The following CACNA1A variants were observed in gnomAD, a reference collection of about 807,000 sequenced individuals.
CACNA1A encodes the protein voltage-dependent P/Q-type calcium channel subunit alpha-1A.
CACNA1A carries 57 observed loss-of-function variants against 262.4 expected under a neutral mutation model. That is an observed-to-expected ratio of 0.22 (90% confidence interval 0.18 to 0.27). The LOEUF is 0.27. Among genes scored for constraint, CACNA1A ranks in the 10% least tolerant of loss-of-function variants. The pLI is 1.00. For synonymous variants in CACNA1A, 1,431 were observed against 1,419.3 expected (o/e 1.01, Z -0.18); for missense variants, 2,526 against 3,562.8 (o/e 0.71, Z 7.41).
In CACNA1A at chr19:13,207,868, C is replaced by A; in HGVS notation, c.6966G>T (p.Gln2322His). 2.6e-6 allele frequency: 3 copies of A among 1,158,294 alleles called. No homozygotes were observed. The highest frequency in any genetic ancestry group is 3.4e-5 in the East Asian group (1 of 29,798). The allele number at this position is 1,158,294 out of a possible 1,614,324, so 71.8% of individuals were successfully genotyped here. A position where few individuals can be genotyped will look rare whatever the true frequency, so the allele number is the denominator to read the frequency against. ...PQQQQQQQQQ[Q>H]QQQAVARPGR... ...CCGGCCTGGCCACCGCCTGCTGCTG[C>A]TGCTGCTGCTGCTGCTGCTGCTGCT... is the stretch of plus-strand genomic sequence containing the variant. Residue 2322 changes from glutamine to histidine, a missense_variant, in exon 47 of 47, where the codon CAG becomes CAT. This residue lies in a region of CACNA1A where 929 missense variants were observed against 868.1 expected (regional missense o/e 1.07). Coordinates refer to ENST00000360228, the MANE Select transcript of CACNA1A (RefSeq NM_001127222.2). This position sits in a 1 kb window ranked among gnomAD's most constrained non-coding sequence, Gnocchi z 5.7.
intron 3 of CACNA1A, among the ~76,000 whole-genome samples, chr19:13,389,970 G>C (rs2059684115): frequency 6.6e-6 from 1 of 151,796 alleles, no homozygotes; most frequent in Admixed American, 6.6e-5. Context: ...GCGCCACCAT[G>C]CCTGGCTAAT....
chr19:13,403,932 G>C (rs975510489), intron 3 of CACNA1A, among the ~76,000 whole-genome samples: 4 of 152,082 alleles, frequency 2.6e-5, no homozygotes, highest in African/African-American at 9.7e-5. Flanking sequence ...TCTCCAGCCT[G>C]GGTGACAGAG....
chr19:13,209,402 CG>C lies in CACNA1A; in HGVS notation c.6435del (p.Glu2146ArgfsTer36). 7.2e-7 allele frequency: 1 copy of C among 1,396,180 alleles called. No homozygotes were observed. Among genetic ancestry groups the C allele is most frequent in the Non-Finnish European group, 9.3e-7 (1 of 1,071,402 alleles). The allele number at this position is 1,396,180 out of a possible 1,614,324, so 86.5% of individuals were successfully genotyped here. ...LDDYSLERVP[P>X]EENQRHHQRR... ...CGCTGGTGGTGCCGCTGGTTCTCCT[CG>C]GGCGGGACCCGCTCCAGCGAGTAAT... On this transcript the variant is annotated frameshift_variant, in exon 45 of 47. Transcript: ENST00000360228. LOFTEE classifies it high-confidence loss of function.
chr19:13,410,403 A>T (rs1421524974), intron 3 of CACNA1A, among the ~76,000 whole-genome samples: 1 of 151,706 alleles, frequency 6.6e-6, no homozygotes, highest in African/African-American at 2.4e-5. Context: ...ATTAAAAAAA[A>T]ATTTTTTTTG....
chr19:13,429,206 A>C (rs968378450), intron 3 of CACNA1A, among the ~76,000 whole-genome samples: 1 of 118,478 alleles, frequency 8.4e-6, no homozygotes, highest in Admixed American at 8.4e-5. Flanking sequence ...ACACACACAC[A>C]CCCCTCTTTC....
At chr19:13,374,843 T>C (rs2059379160) in intron 3 of CACNA1A, among the ~76,000 whole-genome samples, 1 of 151,836 alleles carries the variant, frequency 6.6e-6, no homozygotes, top group Admixed American at 6.6e-5. Flanking sequence ...GGCTTTGTTT[T>C]GTTTTGTTCT....
At chr19:13,365,133 C>A in intron 5 of CACNA1A, 184 bp downstream of exon 5, 1 of 482,272 alleles carries the variant, frequency 2.1e-6, no homozygotes, top group Admixed American at 3.5e-5. Flanking sequence ...TTCTGTGGAA[C>A]CCCACCCCTT....
intron 19 of CACNA1A, among the ~76,000 whole-genome samples, chr19:13,297,906 A>C (rs1166471255): frequency 6.6e-6 from 1 of 151,656 alleles, no homozygotes; most frequent in East Asian, 1.9e-4. Context: ...AGCTCACTGC[A>C]ACCTACCTCC....
chr19:13,475,445 G>C (rs1056807290), intron 1 of CACNA1A, among the ~76,000 whole-genome samples: 2 of 152,162 alleles, frequency 1.3e-5, no homozygotes, highest in African/African-American at 4.8e-5. Flanking sequence ...CACCCTTAAG[G>C]CTTCTGTCCG....
intron 10 of CACNA1A, among the ~76,000 whole-genome samples, chr19:13,326,349 T>C (rs1280183626): frequency 6.6e-6 from 1 of 151,862 alleles, no homozygotes; most frequent in African/African-American, 2.4e-5. Context: ...AAAATTGATA[T>C]CCTTTCAGCA....
At chr19:13,495,055 C>G (rs1205960356) in intron 1 of CACNA1A, among the ~76,000 whole-genome samples, 1 of 152,120 alleles carries the variant, frequency 6.6e-6, no homozygotes, top group Non-Finnish European at 1.5e-5. Flanking sequence ...ATCCTATCCA[C>G]CAATGGAGCA....
intron 29 of CACNA1A, among the ~76,000 whole-genome samples, chr19:13,254,355 TTC>T (rs1374632669): frequency 6.6e-6 from 1 of 151,886 alleles, no homozygotes; most frequent in Admixed American, 6.6e-5. Context: ...CCTCATTTCT[TTC>T]TTTTTCTTTT....
At chr19:13,278,170 A>T (rs1035122515) in intron 22 of CACNA1A, among the ~76,000 whole-genome samples, 10 of 150,860 alleles carry the variant, frequency 6.6e-5, no homozygotes, top group African/African-American at 2.4e-4. Flanking sequence ...CGCTGTGAAC[A>T]CCAAAGAAGT....
intron 46 of CACNA1A, among the ~76,000 whole-genome samples, chr19:13,208,293 C>T (rs1489260698): frequency 6.7e-6 from 1 of 149,854 alleles, no homozygotes; most frequent in African/African-American, 2.5e-5. Flanking sequence ...GGGGAGGAGT[C>T]GAAAACCAAC....
At chr19:13,343,176 C>T (rs1054707340) in intron 6 of CACNA1A, among the ~76,000 whole-genome samples, 10 of 151,154 alleles carry the variant, frequency 6.6e-5, no homozygotes, top group African/African-American at 2.2e-4. Flanking sequence ...GGCTGGAGTG[C>T]AATGGTGTGA....
intron 3 of CACNA1A, among the ~76,000 whole-genome samples, chr19:13,402,873 CATATATATATATAT>C (rs71170507): frequency 0.028 from 2,009 of 72,828 alleles, 83 homozygotes; most frequent in African/African-American, 0.078. Context: ...CACACACACA[CATATATATATATAT>C]ATATATATAT....
At chr19:13,240,713 A>T in intron 31 of CACNA1A, among the ~76,000 whole-genome samples, 1 of 141,276 alleles carries the variant, frequency 7.1e-6, no homozygotes, top group African/African-American at 2.7e-5. Context: ...GTGCATAGTG[A>T]CTGTGTGCAG....
At position 13,336,599 on chromosome 19, in the gene CACNA1A, GAGA is replaced by G. The variant is rs1568547434; in HGVS notation, c.979-693_979-691del. On this transcript the variant is annotated intron_variant, in intron 6 of 46. Coordinates refer to ENST00000360228, the MANE Select transcript of CACNA1A (RefSeq NM_001127222.2). ...AGAGAGACAGAGAGAGAGAGGGAGAGAGAGAGAGAGAGAGAGAGAGAGAGAGAG... is the reference window on the plus strand; with the variant it reads ...AGAGAGACAGAGAGAGAGAGGGAGAGGAGAGAGAGAGAGAGAGAGAGAGAG... 6.1e-3 allele frequency among the ~76,000 whole-genome samples: 738 copies of G among 121,642 alleles called. 10 individuals are homozygous for G. Among genetic ancestry groups the G allele is most frequent in the South Asian group, 9.9e-3 (38 of 3,822 alleles). The allele number at this position is 121,642 out of a possible 152,430, so 79.8% of individuals were successfully genotyped here. A position where few individuals can be genotyped will look rare whatever the true frequency, so the allele number is the denominator to read the frequency against.
intron 6 of CACNA1A, among the ~76,000 whole-genome samples, chr19:13,348,091 A>T (rs977639077): frequency 2.0e-5 from 3 of 151,410 alleles, no homozygotes; most frequent in African/African-American, 7.3e-5. Context: ...CAGCTAATTA[A>T]TTATTTTTCT....
Sources: allele counts gnomAD v4.1 joint callset (sites outside exome capture counted in the v4.1 genomes callset), GRCh38; gene constraint gnomAD v4.1.1; regional missense constraint gnomAD v4.1.1; non-coding constraint Gnocchi (gnomAD v3.1); transcripts MANE v1.5; gene names NCBI Gene and HGNC (gene_info 2026-07-23, HGNC 2026-07-21).